HSD17B3: variants seen among roughly 807,000 people sequenced by gnomAD.
HSD17B3 encodes hydroxysteroid 17-beta dehydrogenase 3, also known as 17-beta-hydroxysteroid dehydrogenase type 3.
Under a neutral mutation model 41.1 loss-of-function variants are expected in HSD17B3, and 29 were observed. The ratio of observed to expected loss-of-function variants is 0.71; its 90% CI spans 0.53 to 0.96. The LOEUF (loss-of-function observed/expected upper bound fraction) is 0.96, where lower values mean the gene tolerates loss of function less well. Ranked by LOEUF, HSD17B3 falls within the 40% of genes least tolerant of loss-of-function variation. HSD17B3 has a pLI of 0.00. For synonymous variants in HSD17B3, 126 were observed against 145.6 expected, an observed-to-expected ratio of 0.87 and a Z score of 0.97; for missense variants, 323 against 374.6, an observed-to-expected ratio of 0.86 and a Z score of 1.14.
intron 2 of HSD17B3, among the ~76,000 whole-genome samples, chr9:96,283,826 G>T (rs1232111634): frequency 6.6e-6 from 1 of 152,056 alleles, no homozygotes; most frequent in Non-Finnish European, 1.5e-5. Context: ...TTTGGAAATT[G>T]TGACATTAGA....
intron 2 of HSD17B3, among the ~76,000 whole-genome samples, chr9:96,291,215 T>C (rs1337012742): frequency 6.6e-6 from 1 of 152,062 alleles, no homozygotes; most frequent in Non-Finnish European, 1.5e-5. Flanking sequence ...AGCCAGGACT[T>C]TCACCACTGC....
chr9:96,284,457 T>G (rs1011146774), intron 2 of HSD17B3, among the ~76,000 whole-genome samples: 1 of 152,200 alleles, frequency 6.6e-6, no homozygotes, highest in Non-Finnish European at 1.5e-5. Context: ...AATGACAGTA[T>G]AGCTATTTGC....
At chr9:96,249,617 A>C in intron 6 of HSD17B3, 134 bp downstream of exon 6, 1 of 780,808 alleles carries the variant, frequency 1.3e-6, no homozygotes, top group South Asian at 1.4e-5. Context: ...CAAGACCACG[A>C]CATGGCCTCT....
Position 96,235,418 on chromosome 9 carries a change from G to T in HSD17B3, c.*42C>A. 1 of 1,354,882 alleles carries T rather than the reference G, an allele frequency of 7.4e-7. No homozygotes were observed. Among genetic ancestry groups the T allele is most frequent in the South Asian group, 1.2e-5 (1 of 82,860 alleles). The allele number at this position is 1,354,882 out of a possible 1,614,324, so 83.9% of individuals were successfully genotyped here. On this transcript the variant is annotated 3_prime_UTR_variant, in exon 11 of 11. Coordinates refer to ENST00000375263, the MANE Select transcript of HSD17B3 (RefSeq NM_000197.2). The stretch of plus-strand genomic sequence containing the variant: ...CTCTGGTCCTCTTCAGCCAGCATGG[G>T]ACTGGTGAGGAAAAGGTTGTGCTGG...
At chr9:96,278,476 A>G (rs1407877940) in intron 2 of HSD17B3, among the ~76,000 whole-genome samples, 1 of 152,190 alleles carries the variant, frequency 6.6e-6, no homozygotes, top group Non-Finnish European at 1.5e-5. Flanking sequence ...GAACAAAATA[A>G]ATACACAAAA....
rs10524217 is a variant in HSD17B3 at position 96,236,514 on chromosome 9, CATAAATAAATAAATAA to C, written c.823-960_823-945del. On this transcript the variant is annotated intron_variant, in intron 10 of 10. Transcript: ENST00000375263. ...CCTGGGTGACAGAGCGAGAGTCTGT[CATAAATAAATAAATAA>C]ATAAATAAATAAATAAATAAATAAA... Among the ~76,000 whole-genome samples, 19 of 137,178 alleles carry C rather than the reference CATAAATAAATAAATAA, an allele frequency of 1.4e-4. No individual in the cohort carries two copies. The East Asian group carries it at 1.5e-3, about 11-fold the overall frequency. The allele number at this position is 137,178 out of a possible 152,430, so 90.0% of individuals were successfully genotyped here.
chr9:96,245,191 C>A (rs1301309860), intron 8 of HSD17B3, among the ~76,000 whole-genome samples, 154 bp downstream of exon 8: 1 of 152,218 alleles, frequency 6.6e-6, no homozygotes, highest in African/African-American at 2.4e-5. Context: ...TTCTAATTTT[C>A]TCTTGGACTT....
chr9:96,240,758 C>T lies in HSD17B3; in HGVS notation c.822G>A (p.Leu274=). 6.2e-7 allele frequency: 1 copy of T among 1,614,152 alleles called. No individual in the cohort carries two copies. The highest frequency in any genetic ancestry group is 8.5e-7 in the Non-Finnish European group (1 of 1,180,038). Residue 274 remains leucine (L), a splice_region_variant and synonymous_variant, in exon 10 of 11, where the codon TTG becomes TTA. Transcript: ENST00000375263. ...AAGAAAAGGAGAAGTTATCAATTAC[C>T]AAGATTTCATGGGCAAGGCAGCCAC... ...ETCGCLAHEI[L]AGFLSLIPAW...
chr9:96,267,858 C>G (rs1360456109), intron 2 of HSD17B3, among the ~76,000 whole-genome samples: 1 of 152,086 alleles, frequency 6.6e-6, no homozygotes, highest in Non-Finnish European at 1.5e-5. Flanking sequence ...CCTGGCCCAC[C>G]CTGCTCTGTG....
chr9:96,290,290 C>G (rs914851768), intron 2 of HSD17B3, among the ~76,000 whole-genome samples: 1 of 151,982 alleles, frequency 6.6e-6, no homozygotes, highest in African/African-American at 2.4e-5. Context: ...GAAGAATAAG[C>G]TTCTGGAAGG....
At chr9:96,245,218 G>T (rs1372329070) in intron 8 of HSD17B3, 127 bp downstream of exon 8, 4 of 805,340 alleles carry the variant, frequency 5.0e-6, no homozygotes, top group Admixed American at 3.5e-5. Context: ...GAGTAGCTCA[G>T]CCCTGCACAT....
Position 96,251,500 on chromosome 9 carries a change from C to T in HSD17B3, c.386-15G>A, listed in dbSNP as rs759534790. 3.1e-6 allele frequency: 5 copies of T among 1,612,386 alleles called. No homozygotes were observed. The African/African-American group carries it at 6.7e-5, about 22-fold the overall frequency. On this transcript the variant is annotated splice_polypyrimidine_tract_variant and intron_variant, in intron 4 of 10. Transcript: ENST00000375263. The stretch of plus-strand genomic sequence containing the variant: ...GACATTGTTGACTGGCAGAAAGAAG[C>T]AAAACAAAAATGTGTCAGAAGATCA...
At chr9:96,296,504 G>A (rs1351235654) in intron 2 of HSD17B3, among the ~76,000 whole-genome samples, 1 of 152,100 alleles carries the variant, frequency 6.6e-6, no homozygotes, top group East Asian at 1.9e-4. Context: ...TCAGAAATGG[G>A]TGTAATTACT....
intron 8 of HSD17B3, 140 bp downstream of exon 8, chr9:96,245,205 A>C: frequency 1.3e-6 from 1 of 777,288 alleles, no homozygotes; most frequent in East Asian, 2.5e-5. Flanking sequence ...TGGACTTCCC[A>C]GTGAGTAGCT....
intron 2 of HSD17B3, among the ~76,000 whole-genome samples, chr9:96,257,461 C>T (rs1405104061): frequency 2.0e-5 from 3 of 147,904 alleles, no homozygotes; most frequent in Non-Finnish European, 3.0e-5. Context: ...TCTGCATTTA[C>T]GGGCATATAT....
At chr9:96,297,455 TC>T (rs1316749732) in intron 2 of HSD17B3, among the ~76,000 whole-genome samples, 1 of 149,158 alleles carries the variant, frequency 6.7e-6, no homozygotes, top group African/African-American at 2.5e-5. Context: ...CAAGAGATTC[TC>T]CTGCCTCAGC....
chr9:96,252,569 T>A (rs1002611139), intron 4 of HSD17B3, among the ~76,000 whole-genome samples: 31 of 148,384 alleles, frequency 2.1e-4, no homozygotes, highest in Admixed American at 2.0e-3. Context: ...GAAAAGAAAA[T>A]ATAGTTGGGG....
intron 2 of HSD17B3, among the ~76,000 whole-genome samples, chr9:96,264,332 G>C (rs576477059): frequency 1.5e-3 from 222 of 152,188 alleles, no homozygotes; most frequent in African/African-American, 4.8e-3. Context: ...GAATAGAAAT[G>C]GGGGGTGGGA....
intron 6 of HSD17B3, chr9:96,249,443 A>G (rs1438193210): frequency 8.2e-6 from 3 of 365,962 alleles, no homozygotes; most frequent in African/African-American, 2.0e-5. Context: ...GGAAGATACT[A>G]ATTTTTTTTA....
Sources: allele counts gnomAD v4.1 joint callset (sites outside exome capture counted in the v4.1 genomes callset), GRCh38; gene constraint gnomAD v4.1.1; transcripts MANE v1.5; gene names NCBI Gene and HGNC (gene_info 2026-07-23, HGNC 2026-07-21).